The following ADK variants were observed in gnomAD, a reference collection of about 807,000 sequenced individuals.
ADK encodes the protein N6,N6-dimethyladenosine kinase.
In ADK, 24 loss-of-function variants were observed where a neutral mutation model predicts 44.7. The observed-to-expected ratio is 0.54, with a 90% CI of 0.39 to 0.76. ADK has a LOEUF of 0.76. Ranked by LOEUF, ADK falls within the 30% of genes least tolerant of loss-of-function variation. The probability of loss-of-function intolerance (pLI) is 0.00; values close to 1 mark genes in which losing one functional copy is unlikely to be tolerated. For missense variants in ADK, 321 were observed against 425.1 expected (o/e 0.76, Z 2.15); for synonymous variants, 128 against 142.6 (o/e 0.90, Z 0.73).
At chr10:74,578,361 A>G (rs1348423388) in intron 7 of ADK, among the ~76,000 whole-genome samples, 1 of 152,184 alleles carries the variant, frequency 6.6e-6, no homozygotes, top group Non-Finnish European at 1.5e-5. Context: ...TGTGTTGCCA[A>G]TGAATGAAGG....
chr10:74,668,076 A>G (rs1021419403), intron 9 of ADK, among the ~76,000 whole-genome samples: 7 of 152,206 alleles, frequency 4.6e-5, no homozygotes, highest in Non-Finnish European at 8.8e-5. Context: ...TTATTACATA[A>G]TGTAAATGTA....
chr10:74,444,225 AATTG>A (rs1845519435), intron 6 of ADK, among the ~76,000 whole-genome samples: 1 of 152,104 alleles, frequency 6.6e-6, no homozygotes, highest in African/African-American at 2.4e-5. Context: ...AATGCTGGCT[AATTG>A]ATTATTACTC....
chr10:74,343,019 G>A (rs1300765698), intron 4 of ADK, among the ~76,000 whole-genome samples: 1 of 152,088 alleles, frequency 6.6e-6, no homozygotes, highest in Non-Finnish European at 1.5e-5. Context: ...ATGTAACAGT[G>A]AACAGAAGTG....
intron 7 of ADK, among the ~76,000 whole-genome samples, chr10:74,569,728 G>A (rs1399035145): frequency 6.6e-6 from 1 of 152,168 alleles, no homozygotes; most frequent in Non-Finnish European, 1.5e-5. Context: ...TAGGTTGCCT[G>A]TTCACTCTGA....
At chr10:74,523,430 C>T (rs1848917530) in intron 6 of ADK, among the ~76,000 whole-genome samples, 1 of 152,096 alleles carries the variant, frequency 6.6e-6, no homozygotes, top group African/African-American at 2.4e-5. Context: ...TGCTTAGTTT[C>T]TCCACCATCA....
chr10:74,544,366 T>C (rs1032781243), intron 7 of ADK, among the ~76,000 whole-genome samples: 2 of 152,166 alleles, frequency 1.3e-5, no homozygotes, highest in East Asian at 3.8e-4. Flanking sequence ...AATCAGGAAA[T>C]TCTGAGGGTT....
At chr10:74,651,864 TA>T (rs1425908872) in intron 9 of ADK, among the ~76,000 whole-genome samples, 1 of 151,786 alleles carries the variant, frequency 6.6e-6, no homozygotes, top group African/African-American at 2.4e-5. Context: ...AACATTATGC[TA>T]AAAAAAATGT....
chr10:74,641,868 G>A (rs1853855106), intron 9 of ADK: 1 of 152,206 alleles, frequency 6.6e-6, no homozygotes, highest in South Asian at 2.1e-4. Flanking sequence ...CACCTTCCCA[G>A]CATAGTGACA....
At chr10:74,284,987 ATATAG>A (rs1847102358) in intron 3 of ADK, among the ~76,000 whole-genome samples, 1 of 152,218 alleles carries the variant, frequency 6.6e-6, no homozygotes. Flanking sequence ...AATGCTAATA[ATATAG>A]TATAGCCATC....
At chr10:74,290,933 T>C (rs1337683239) in intron 3 of ADK, among the ~76,000 whole-genome samples, 1 of 152,190 alleles carries the variant, frequency 6.6e-6, no homozygotes, top group African/African-American at 2.4e-5. Context: ...ATGAGTCATC[T>C]GGAGAAAATG....
intron 2 of ADK, among the ~76,000 whole-genome samples, chr10:74,211,971 T>C (rs1476864138): frequency 1.3e-5 from 2 of 152,194 alleles, no homozygotes; most frequent in Non-Finnish European, 2.9e-5. Flanking sequence ...GAATATTTTC[T>C]CTTATTTGAC....
chr10:74,352,727 G>A (rs1236840485), intron 4 of ADK, among the ~76,000 whole-genome samples: 1 of 152,138 alleles, frequency 6.6e-6, no homozygotes, highest in African/African-American at 2.4e-5. Context: ...AAATTTGCAA[G>A]AAAATAACAA....
chr10:74,588,791 C>T (rs949118091), intron 7 of ADK, among the ~76,000 whole-genome samples: 2 of 152,162 alleles, frequency 1.3e-5, no homozygotes, highest in African/African-American at 4.8e-5. Context: ...ATACCCAGTT[C>T]CCTATCATCC....
intron 3 of ADK, among the ~76,000 whole-genome samples, chr10:74,303,395 C>CAGTTTTAG (rs1840127078): frequency 6.6e-6 from 1 of 151,980 alleles, no homozygotes; most frequent in Non-Finnish European, 1.5e-5. Flanking sequence ...AACACACTTT[C>CAGTTTTAG]AGTTTTAGAG....
chr10:74,612,731 G>A (rs72820510), intron 9 of ADK, among the ~76,000 whole-genome samples: 7,347 of 152,030 alleles, frequency 0.048, 254 homozygotes, highest in Middle Eastern at 0.082. Context: ...GTTTCTCCTA[G>A]GTTTTTTCTA....
At chr10:74,413,602 G>C (rs902924848) in intron 6 of ADK, among the ~76,000 whole-genome samples, 1 of 152,190 alleles carries the variant, frequency 6.6e-6, no homozygotes, top group African/African-American at 2.4e-5. Flanking sequence ...ATGCTATGCT[G>C]GTTTGATGTT....
intron 3 of ADK, among the ~76,000 whole-genome samples, chr10:74,309,321 C>G (rs1321958232): frequency 6.6e-6 from 1 of 151,908 alleles, no homozygotes; most frequent in Non-Finnish European, 1.5e-5. Flanking sequence ...GTGTTTAATT[C>G]TACATATTTC....
At chr10:74,568,834 G>A (rs181713912) in intron 7 of ADK, among the ~76,000 whole-genome samples, 120 of 151,950 alleles carry the variant, frequency 7.9e-4, no homozygotes, top group East Asian at 6.4e-3. Context: ...GTGCAGGTTA[G>A]TTACATATGT....
chr10:74,383,234 C>A (rs1843030879), intron 4 of ADK, among the ~76,000 whole-genome samples: 1 of 152,066 alleles, frequency 6.6e-6, no homozygotes, highest in South Asian at 2.1e-4. Flanking sequence ...AATGATACCT[C>A]TAGATAGAGT....
Sources: allele counts gnomAD v4.1 joint callset (sites outside exome capture counted in the v4.1 genomes callset), GRCh38; gene constraint gnomAD v4.1.1; transcripts MANE v1.5; gene names NCBI Gene and HGNC (gene_info 2026-07-23, HGNC 2026-07-21).